The following GALNT13 variants were observed in gnomAD, a reference collection of about 807,000 sequenced individuals.
The protein encoded by GALNT13 is polypeptide N-acetylgalactosaminyltransferase 13.
A neutral mutation model predicts 64.2 loss-of-function variants in GALNT13; 28 were observed. The ratio of observed to expected loss-of-function variants is 0.44; its 90% CI spans 0.32 to 0.60. The LOEUF is 0.60. GALNT13 is among the 20% of genes least tolerant of loss of function. GALNT13 has a pLI of 0.05. For missense variants in GALNT13, 577 were observed against 669.8 expected (o/e 0.86, Z 1.53); for synonymous variants, 214 against 224.6 (o/e 0.95, Z 0.42).
At chr2:153,480,426 G>T in the GALNT13 span, among the ~76,000 whole-genome samples, 1 of 152,082 alleles carries the variant, frequency 6.6e-6, no homozygotes, top group South Asian at 2.1e-4. Context: ...TTATTATTTT[G>T]AGGGGGATGT....
the GALNT13 span, among the ~76,000 whole-genome samples, chr2:153,840,559 G>C: frequency 6.6e-6 from 1 of 152,004 alleles, no homozygotes; most frequent in Non-Finnish European, 1.5e-5. Flanking sequence ...TGTGCATCAG[G>C]GTCCTGGCAG....
At chr2:153,785,609 C>T in the GALNT13 span, among the ~76,000 whole-genome samples, 7 of 152,086 alleles carry the variant, frequency 4.6e-5, no homozygotes. Flanking sequence ...CCCCTGGGGG[C>T]TCCACCTCAA....
the GALNT13 span, among the ~76,000 whole-genome samples, chr2:153,786,053 G>A: frequency 6.6e-6 from 1 of 151,956 alleles, no homozygotes; most frequent in Non-Finnish European, 1.5e-5. Flanking sequence ...CAGTAACAGC[G>A]GCTCCAAATT....
At chr2:154,046,407 G>A (rs1027919658) in intron 3 of GALNT13, among the ~76,000 whole-genome samples, 9 of 152,074 alleles carry the variant, frequency 5.9e-5, no homozygotes, top group African/African-American at 2.2e-4. Context: ...TTTTCCTTTA[G>A]GGTTCACCAC....
intron 3 of GALNT13, among the ~76,000 whole-genome samples, chr2:154,068,103 A>C (rs1039319806): frequency 2.0e-5 from 3 of 152,110 alleles, no homozygotes; most frequent in Non-Finnish European, 2.9e-5. Flanking sequence ...AAACAAGTAC[A>C]TGAAAAGCTG....
chr2:154,345,277 A>T (rs1696007738), intron 9 of GALNT13, among the ~76,000 whole-genome samples: 1 of 152,046 alleles, frequency 6.6e-6, no homozygotes, highest in Non-Finnish European at 1.5e-5. Context: ...CAAAAGACCG[A>T]TGGTCCCTGA....
the GALNT13 span, among the ~76,000 whole-genome samples, chr2:153,339,034 T>G: frequency 6.6e-6 from 1 of 152,224 alleles, no homozygotes. Flanking sequence ...TGATGGACAC[T>G]TAGGTTGATT....
the GALNT13 span, among the ~76,000 whole-genome samples, chr2:153,501,342 T>C: frequency 6.6e-6 from 1 of 152,172 alleles, no homozygotes; most frequent in Non-Finnish European, 1.5e-5. Context: ...TTTTTATTTT[T>C]ATTTTTTGAG....
intron 3 of GALNT13, among the ~76,000 whole-genome samples, chr2:154,075,366 T>C (rs1003171713): frequency 4.6e-5 from 7 of 151,786 alleles, no homozygotes; most frequent in African/African-American, 1.7e-4. Flanking sequence ...CCTCTTTAGG[T>C]TTCGAGATAA....
At chr2:153,426,384 G>A in the GALNT13 span, among the ~76,000 whole-genome samples, 2 of 151,910 alleles carry the variant, frequency 1.3e-5, no homozygotes, top group African/African-American at 4.8e-5. Flanking sequence ...TTACTACCAA[G>A]TGCAGATTCA....
intron 7 of GALNT13, 114 bp from the exon 8 acceptor site, chr2:154,258,907 A>G: frequency 1.7e-6 from 1 of 591,190 alleles, no homozygotes; most frequent in Non-Finnish European, 3.0e-6. Context: ...TTGTGTTTTT[A>G]GTTTGAGATT....
chr2:154,250,773 A>G (rs16836371), intron 7 of GALNT13, among the ~76,000 whole-genome samples: 18,584 of 152,028 alleles, frequency 0.12, 1,389 homozygotes, highest in East Asian at 0.35. Context: ...ACTTTTCTCA[A>G]TCCAACCATA....
At chr2:153,962,852 A>G (rs1040376795) in intron 3 of GALNT13, among the ~76,000 whole-genome samples, 4 of 152,138 alleles carry the variant, frequency 2.6e-5, no homozygotes, top group Admixed American at 2.0e-4. Flanking sequence ...ATTATTGATT[A>G]CTTTTGTCTC....
chr2:154,151,789 C>T lies in GALNT13; in HGVS notation c.311+11284C>T, dbSNP rs62171188. Among the ~76,000 whole-genome samples the T allele has an allele frequency of 3.1e-3, 470 of 152,168 alleles. 1 individual carries two copies. Among genetic ancestry groups the T allele is most frequent in the Middle Eastern group, 0.01 (3 of 294 alleles). On this transcript the variant is annotated intron_variant, in intron 4 of 12. Transcript: ENST00000392825. ...TTTGTTTTCCATTTGCTTGGTAGAT[C>T]TTCCTCCATCCTTTTATTTTGAGCC...
At chr2:154,003,525 G>A (rs1267034499) in intron 3 of GALNT13, among the ~76,000 whole-genome samples, 1 of 152,152 alleles carries the variant, frequency 6.6e-6, no homozygotes, top group African/African-American at 2.4e-5. Context: ...GGGGAGTAAT[G>A]CTGAGGGATC....
chr2:153,398,675 G>A, the GALNT13 span, among the ~76,000 whole-genome samples: 1 of 152,158 alleles, frequency 6.6e-6, no homozygotes, highest in African/African-American at 2.4e-5. Context: ...GAAGGCCAGT[G>A]ATGATGAGCA....
chr2:154,110,710 T>C (rs1034461834), intron 3 of GALNT13, among the ~76,000 whole-genome samples: 2 of 151,994 alleles, frequency 1.3e-5, no homozygotes, highest in African/African-American at 4.8e-5. Flanking sequence ...TTAATCTCCT[T>C]TGGCAACAAC....
the GALNT13 span, among the ~76,000 whole-genome samples, chr2:153,836,309 C>T: frequency 6.6e-6 from 1 of 151,838 alleles, no homozygotes; most frequent in Non-Finnish European, 1.5e-5. Flanking sequence ...CATCTATCAC[C>T]TCATACAATT....
rs1051710232 is a variant in GALNT13 at position 154,306,670 on chromosome 2, A to G, written c.1156+5081A>G. Among the ~76,000 whole-genome samples the G allele has an allele frequency of 4.0e-5, 6 of 150,364 alleles. No individual in the cohort carries two copies. In the Admixed American group the frequency reaches 4.0e-4, roughly 10 times the overall value. ...GCTGATTAGTCAGAGATGAAATCAT[A>G]GGGTATTGAAGTGGGTTTTTCTTGC... On this transcript the variant is annotated intron_variant, in intron 9 of 12. Transcript: ENST00000392825.
Sources: gnomAD v4.1 joint callset for allele counts (sites outside exome capture counted in the v4.1 genomes callset) on GRCh38, gnomAD v4.1.1 for gene constraint, MANE v1.5 for transcripts, NCBI Gene and HGNC (gene_info 2026-07-23, HGNC 2026-07-21) for gene names.